AFF1: variants seen among roughly 807,000 people sequenced by gnomAD.
AFF1 encodes AF4/FMR2 family member 1.
AFF1 carries 48 observed loss-of-function variants against 121.7 expected under a neutral mutation model. The observed-to-expected ratio is 0.39, with a 90% CI of 0.31 to 0.50. The LOEUF is 0.50. Ranked by LOEUF, AFF1 falls within the 20% of genes least tolerant of loss-of-function variation. AFF1 has a pLI of 0.76. For missense variants in AFF1, 1,523 were observed against 1,511.7 expected (o/e 1.01, Z -0.12); for synonymous variants, 613 against 563.0 (o/e 1.09, Z -1.26).
intron 2 of AFF1, chr4:87,007,320 C>T: frequency 1.3e-6 from 2 of 1,597,600 alleles, no homozygotes; most frequent in South Asian, 1.1e-5. Context: ...CGCCCGGCTC[C>T]GCCAAATGGT....
chr4:86,954,256 G>A (rs1721582774), intron 2 of AFF1, among the ~76,000 whole-genome samples: 1 of 152,114 alleles, frequency 6.6e-6, no homozygotes, highest in Non-Finnish European at 1.5e-5. Flanking sequence ...ACACTGTGAG[G>A]TTTAGGGGTA....
At chr4:87,130,544 G>T (rs1265345498) in intron 16 of AFF1, among the ~76,000 whole-genome samples, 1 of 152,162 alleles carries the variant, frequency 6.6e-6, no homozygotes, top group African/African-American at 2.4e-5. Context: ...TGTTACCCCT[G>T]TTGGCCTCGG....
At chr4:86,963,295 A>G (rs965634452) in intron 2 of AFF1, among the ~76,000 whole-genome samples, 13 of 151,070 alleles carry the variant, frequency 8.6e-5, no homozygotes, top group Non-Finnish European at 1.6e-4. Context: ...GGTTAGTTTG[A>G]TCTTGAATGG....
At chr4:87,132,666 G>T (rs1411738425) in intron 19 of AFF1, among the ~76,000 whole-genome samples, 1 of 152,108 alleles carries the variant, frequency 6.6e-6, no homozygotes. Flanking sequence ...TGAAATTTTT[G>T]AGCTTTGAGG....
intron 2 of AFF1, among the ~76,000 whole-genome samples, chr4:87,008,115 T>A (rs981943875): frequency 2.6e-5 from 4 of 152,244 alleles, no homozygotes; most frequent in Admixed American, 2.0e-4. Context: ...GTGATTATTA[T>A]GAGATCCAAA....
intron 2 of AFF1, among the ~76,000 whole-genome samples, chr4:86,957,678 G>T (rs990494316): frequency 6.6e-6 from 1 of 152,024 alleles, no homozygotes; most frequent in Non-Finnish European, 1.5e-5. Flanking sequence ...AAGTATCTGG[G>T]ACTACAGGTG....
chr4:87,023,545 A>G (rs1728240773), intron 2 of AFF1, among the ~76,000 whole-genome samples: 1 of 152,218 alleles, frequency 6.6e-6, no homozygotes, highest in Admixed American at 6.5e-5. Context: ...TGAACTGGCT[A>G]GAGTGGGTAG....
At chr4:87,041,879 G>A (rs955405805) in intron 2 of AFF1, among the ~76,000 whole-genome samples, 1 of 152,200 alleles carries the variant, frequency 6.6e-6, no homozygotes, top group African/African-American at 2.4e-5. Context: ...GCCAGGCGTG[G>A]TGTCGGGTGC....
intron 2 of AFF1, among the ~76,000 whole-genome samples, chr4:87,030,554 A>G (rs1343270321): frequency 6.6e-6 from 1 of 152,150 alleles, no homozygotes; most frequent in East Asian, 1.9e-4. Flanking sequence ...AATTTTACTT[A>G]CAAGTCTGAA....
At chr4:87,063,613 G>A (rs1045353531) in intron 4 of AFF1, among the ~76,000 whole-genome samples, 1 of 152,118 alleles carries the variant, frequency 6.6e-6, no homozygotes, top group Non-Finnish European at 1.5e-5. Flanking sequence ...ATGGCTTTAA[G>A]AAAATATGAG....
intron 2 of AFF1, among the ~76,000 whole-genome samples, chr4:87,003,325 G>A (rs1725864545): frequency 6.6e-6 from 1 of 152,276 alleles, no homozygotes; most frequent in East Asian, 1.9e-4. Flanking sequence ...GTTCAGTGGT[G>A]TTCTCATAGC....
At position 87,140,498 on chromosome 4, in the gene AFF1, A is replaced by G. The variant is rs1288322655; in HGVS notation, c.*4797A>G. 1 of 159,712 alleles carries G rather than the reference A, an allele frequency of 6.3e-6. No homozygotes were observed. The highest frequency in any genetic ancestry group is 1.3e-5 in the Non-Finnish European group (1 of 75,164). 9.9% of individuals were successfully genotyped at this position (159,712 alleles called of 1,614,324 possible). A position where few individuals can be genotyped will look rare whatever the true frequency, so the allele number is the denominator to read the frequency against. ...TATATTATATTATATTATATTATAT[A>G]TTTTTTGCTTTCTTATAACTTTGGA... On this transcript the variant is annotated 3_prime_UTR_variant, in exon 21 of 21. Coordinates refer to ENST00000395146, the MANE Select transcript of AFF1 (RefSeq NM_001166693.3).
chr4:87,011,355 CAA>C (rs992630783), intron 2 of AFF1, among the ~76,000 whole-genome samples: 2 of 152,152 alleles, frequency 1.3e-5, no homozygotes, highest in African/African-American at 2.4e-5. Context: ...AATAAAGAAG[CAA>C]AGTCAGATTG....
intron 2 of AFF1, among the ~76,000 whole-genome samples, chr4:86,984,242 A>G (rs971361154): frequency 6.6e-6 from 1 of 151,172 alleles, no homozygotes; most frequent in African/African-American, 2.4e-5. Flanking sequence ...TTCGGCTTTC[A>G]TAGTCGTTTC....
intron 2 of AFF1, among the ~76,000 whole-genome samples, chr4:86,994,199 G>C (rs1311883414): frequency 6.6e-6 from 1 of 152,170 alleles, no homozygotes; most frequent in Non-Finnish European, 1.5e-5. Context: ...ACAAACATTT[G>C]TTTTCTTACT....
intron 2 of AFF1, among the ~76,000 whole-genome samples, chr4:86,952,418 G>A (rs1472540541): frequency 6.6e-6 from 1 of 152,162 alleles, no homozygotes; most frequent in Non-Finnish European, 1.5e-5. Flanking sequence ...AGTTACTGAT[G>A]TTGGTTCCTG....
intron 11 of AFF1, among the ~76,000 whole-genome samples, chr4:87,113,499 G>A (rs1283975585): frequency 2.0e-5 from 3 of 152,038 alleles, no homozygotes; most frequent in African/African-American, 7.2e-5. Flanking sequence ...TTGAACTCCT[G>A]GGCTTAAACA....
chr4:87,102,835 A>C (rs534513511), intron 8 of AFF1, among the ~76,000 whole-genome samples: 1 of 152,344 alleles, frequency 6.6e-6, no homozygotes, highest in Non-Finnish European at 1.5e-5. Flanking sequence ...ATGGGGACAG[A>C]GGTGCTCACC....
At chr4:87,003,604 T>C (rs948383937) in intron 2 of AFF1, among the ~76,000 whole-genome samples, 2 of 152,204 alleles carry the variant, frequency 1.3e-5, no homozygotes, top group African/African-American at 4.8e-5. Context: ...GTTCAAAAAG[T>C]ATAATTTTAA....
Sources: gnomAD v4.1 joint callset for allele counts (sites outside exome capture counted in the v4.1 genomes callset) on GRCh38, gnomAD v4.1.1 for gene constraint, MANE v1.5 for transcripts, NCBI Gene and HGNC (gene_info 2026-07-23, HGNC 2026-07-21) for gene names.